SLC6A5: variants seen among roughly 807,000 people sequenced by gnomAD.
SLC6A5 encodes sodium- and chloride-dependent glycine transporter 2.
SLC6A5 carries 58 observed loss-of-function variants against 90.5 expected under a neutral mutation model. The ratio of observed to expected loss-of-function variants is 0.64; its 90% CI spans 0.52 to 0.80. The LOEUF is 0.80. SLC6A5 is among the 30% of genes least tolerant of loss of function. SLC6A5 has a pLI of 0.00. For missense variants in SLC6A5, 1,015 were observed against 1,017.6 expected (o/e 1.00, Z 0.03); for synonymous variants, 427 against 401.4 (o/e 1.06, Z -0.76).
At chr11:20,641,273 T>G (rs186888303) in intron 13 of SLC6A5, among the ~76,000 whole-genome samples, 3 of 152,168 alleles carry the variant, frequency 2.0e-5, no homozygotes, top group Non-Finnish European at 4.4e-5. Context: ...GCCTGGCTCT[T>G]CATTGTGTAT....
chr11:20,637,333 G>C (rs780383955), intron 12 of SLC6A5, 30 bp downstream of exon 12: 3 of 1,599,674 alleles, frequency 1.9e-6, no homozygotes, highest in Admixed American at 1.7e-5. Context: ...CAGGCTTGGG[G>C]TGGGGGCAGG....
chr11:20,623,782 C>T (rs1412420995), intron 7 of SLC6A5, among the ~76,000 whole-genome samples: 1 of 152,126 alleles, frequency 6.6e-6, no homozygotes, highest in Non-Finnish European at 1.5e-5. Flanking sequence ...CAACTGTTCC[C>T]TCCATCTGAA....
At chr11:20,623,744 G>A (rs1852937337) in intron 7 of SLC6A5, among the ~76,000 whole-genome samples, 2 of 151,810 alleles carry the variant, frequency 1.3e-5, no homozygotes, top group East Asian at 1.9e-4. Context: ...TAGGAGCCAG[G>A]CACACTCCCT....
At chr11:20,609,418 G>A (rs1015874959) in intron 5 of SLC6A5, among the ~76,000 whole-genome samples, 4 of 152,038 alleles carry the variant, frequency 2.6e-5, no homozygotes, top group Non-Finnish European at 5.9e-5. Context: ...ATCCCTTGCA[G>A]GTGTATTGGT....
At position 20,604,366 on chromosome 11, in the gene SLC6A5, C is replaced by T. The variant is rs781151093; in HGVS notation, c.621C>T (p.Tyr207=). 30 of 1,613,916 alleles carry T rather than the reference C, an allele frequency of 1.9e-5. No individual in the cohort carries two copies. Among genetic ancestry groups the T allele is most frequent in the Non-Finnish European group, 2.3e-5 (27 of 1,179,960 alleles). The change falls in exon 3 of 16, where the codon TAC becomes TAT. Residue 207 remains tyrosine (Y), a synonymous_variant. Coordinates refer to ENST00000525748, the MANE Select transcript of SLC6A5 (RefSeq NM_004211.5). ...ACTTCATCCTGTCCATGGTGGGGTACGCAGTGGGGCTGGGCAATGTCTGGA... is the reference window on the plus strand; with the variant it reads ...ACTTCATCCTGTCCATGGTGGGGTATGCAGTGGGGCTGGGCAATGTCTGGA... ...KLDFILSMVG[Y]AVGLGNVWRF...
chr11:20,623,358 AC>A (rs1852929026), intron 7 of SLC6A5, among the ~76,000 whole-genome samples: 1 of 152,120 alleles, frequency 6.6e-6, no homozygotes, highest in Non-Finnish European at 1.5e-5. Context: ...CTTGGGAGTC[AC>A]CTTGACTCTT....
At chr11:20,608,954 CTCTCTGTGTG>C (rs1307251587) in intron 5 of SLC6A5, among the ~76,000 whole-genome samples, 9 of 108,930 alleles carry the variant, frequency 8.3e-5, no homozygotes, top group Non-Finnish European at 1.4e-4. Flanking sequence ...CTCTCTCTCT[CTCTCTGTGTG>C]TGTGTGTGTG....
rs558054437 is a variant in SLC6A5, at chr11:20,641,803, A to T, written c.1969+3245A>T. 2.0e-5 allele frequency among the ~76,000 whole-genome samples: 3 copies of T among 152,208 alleles called. No individual in the cohort carries two copies. The East Asian group carries it at 5.8e-4, about 30-fold the overall frequency. On this transcript the variant is annotated intron_variant, in intron 13 of 15. Coordinates refer to ENST00000525748, the MANE Select transcript of SLC6A5 (RefSeq NM_004211.5). ...TGGGATAATGTCCTATAGTCATGGA[A>T]CTTGCCAACTAGCTCCCAAGGAAGA...
At chr11:20,653,471 G>T (rs1318849154) in intron 15 of SLC6A5, among the ~76,000 whole-genome samples, 1 of 152,286 alleles carries the variant, frequency 6.6e-6, no homozygotes, top group African/African-American at 2.4e-5. Flanking sequence ...GTTGAAAAAG[G>T]AATGAAGAAG....
At position 20,626,721 on chromosome 11, in the gene SLC6A5, C is replaced by T. The variant is rs121908498; in HGVS notation, c.1274C>T (p.Thr425Met). Residue 425 changes from threonine to methionine, a missense_variant, in exon 8 of 16, where the codon ACG (threonine) becomes ATG (methionine). By Grantham distance (81) the Thr-to-Met change is moderately conservative. Transcript: ENST00000525748. ...TGGCTTTTCTAGGTGGTGTACTTCA[C>T]GGCCACGTTCCCGTATGTCGTACTC... ...IKTSGKVVYF[T>M]ATFPYVVLVI... 3.0e-5 allele frequency: 49 copies of T among 1,613,946 alleles called. No homozygotes were observed. Among genetic ancestry groups the T allele is most frequent in the African/African-American group, 2.1e-4 (16 of 74,926 alleles).
chr11:20,605,161 A>G (rs1852554104), intron 3 of SLC6A5, among the ~76,000 whole-genome samples: 1 of 152,038 alleles, frequency 6.6e-6, no homozygotes, highest in South Asian at 2.1e-4. Flanking sequence ...TGGCCCTCCC[A>G]GCGTTTGGGT....
chr11:20,615,878 G>A (rs2133786129), intron 6 of SLC6A5, among the ~76,000 whole-genome samples: 1 of 152,348 alleles, frequency 6.6e-6, no homozygotes, highest in South Asian at 2.1e-4. Flanking sequence ...CGCATGTAAG[G>A]AAAGCCACTG....
At chr11:20,647,143 A>G (rs1853431772) in intron 14 of SLC6A5, among the ~76,000 whole-genome samples, 1 of 151,382 alleles carries the variant, frequency 6.6e-6, no homozygotes, top group Non-Finnish European at 1.5e-5. Flanking sequence ...GGTCAGGTGC[A>G]GAGCTAGGAC....
At chr11:20,651,996 G>A (rs1260161393) in intron 14 of SLC6A5, among the ~76,000 whole-genome samples, 1 of 152,048 alleles carries the variant, frequency 6.6e-6, no homozygotes, top group African/African-American at 2.4e-5. Flanking sequence ...TTGTGACCTT[G>A]GTATGTATCC....
intron 14 of SLC6A5, 80 bp from the exon 15 acceptor site, chr11:20,652,209 A>G: frequency 7.7e-7 from 1 of 1,298,748 alleles, no homozygotes; most frequent in Non-Finnish European, 1.1e-6. Context: ...CATCAAACTC[A>G]TAACGGGGGT....
intron 13 of SLC6A5, among the ~76,000 whole-genome samples, chr11:20,642,038 T>TGTAGTA (rs1235874561): frequency 1.3e-5 from 2 of 152,052 alleles, no homozygotes; most frequent in East Asian, 3.9e-4. Flanking sequence ...TACAAAAGAA[T>TGTAGTA]GACTTGGGGA....
chr11:20,608,858 C>G (rs1852632661), intron 5 of SLC6A5, among the ~76,000 whole-genome samples: 1 of 151,644 alleles, frequency 6.6e-6, no homozygotes, highest in Admixed American at 6.6e-5. Flanking sequence ...AGAGAGATGA[C>G]ATTTTTTTCT....
intron 12 of SLC6A5, among the ~76,000 whole-genome samples, chr11:20,637,711 G>C (rs1853237054): frequency 1.3e-5 from 2 of 152,116 alleles, no homozygotes; most frequent in Non-Finnish European, 2.9e-5. Flanking sequence ...CAACATCGTG[G>C]GACCCTGCCT....
In SLC6A5 at chr11:20,627,681, C is replaced by T. The variant is rs12273627; in HGVS notation, c.1396-299C>T. On this transcript the variant is annotated intron_variant, in intron 8 of 15. Coordinates refer to ENST00000525748, the MANE Select transcript of SLC6A5 (RefSeq NM_004211.5). ...TATTATTTTCTGAGAGTGTATTGAC[C>T]TAAAGGAAGGACTCTCCCTTCCGTT... is the stretch of plus-strand genomic sequence containing the variant. 0.31 allele frequency among the ~76,000 whole-genome samples: 46,714 copies of T among 152,010 alleles called. 7,313 individuals carry two copies. Among genetic ancestry groups the T allele is most frequent in the South Asian group, 0.41 (1,953 of 4,814 alleles).
Sources: allele counts gnomAD v4.1 joint callset (sites outside exome capture counted in the v4.1 genomes callset), GRCh38; gene constraint gnomAD v4.1.1; transcripts MANE v1.5; gene names NCBI Gene and HGNC (gene_info 2026-07-23, HGNC 2026-07-21).